Variants in PCDHA6 observed in about 807,000 individuals in gnomAD.
PCDHA6 encodes the protein protocadherin alpha 6.
PCDHA6 carries 55 observed loss-of-function variants against 60.3 expected under a neutral mutation model. The ratio of observed to expected loss-of-function variants is 0.91; its 90% CI spans 0.73 to 1.14. PCDHA6 has a LOEUF of 1.14. Among genes scored for constraint, PCDHA6 ranks in the 50% most tolerant of loss-of-function variants. PCDHA6 has a pLI of 0.00. For synonymous variants in PCDHA6, 652 were observed against 557.9 expected, an observed-to-expected ratio of 1.17 and a Z score of -2.38; for missense variants, 1,327 against 1,256.5, an observed-to-expected ratio of 1.06 and a Z score of -0.85.
At chr5:140,935,253 A>G (rs1469038997) in intron 1 of PCDHA6, among the ~76,000 whole-genome samples, 1 of 152,226 alleles carries the variant, frequency 6.6e-6, no homozygotes, top group Non-Finnish European at 1.5e-5. Flanking sequence ...GATAAAATAC[A>G]TCACATGTTT....
chr5:140,830,448 C>A lies in PCDHA6; in HGVS notation c.2357C>A (p.Ala786Glu). The A allele has an allele frequency of 1.2e-6, 2 of 1,600,594 alleles. No homozygotes were observed. Among genetic ancestry groups the A allele is most frequent in the Non-Finnish European group, 1.7e-6 (2 of 1,171,836 alleles). Residue 786 changes from alanine to glutamate, a missense_variant, in exon 1 of 4, where the codon GCG (alanine) becomes GAG (glutamate). By Grantham distance (107) the Ala-to-Glu change is moderately radical (BLOSUM62 -1). Transcript: ENST00000529310. ...CCTTGTCCTATTATGATGGGTAAGG[C>A]GGAGAATCAGGATTTAAATGAAGAT... Reference protein sequence around the residue: ...LSPCPIMMGKAENQDLNEDHD... With the variant: ...LSPCPIMMGKEENQDLNEDHD...
Position 140,828,728 on chromosome 5 carries a change from A to G in PCDHA6, c.637A>G (p.Thr213Ala). The stretch of plus-strand genomic sequence containing the variant: ...AGCTCCTGCACACAACTTATTCCTG[A>G]CAGCCACAGATGGGGGCAAACCTGA... ...EEAPAHNLFL[T>A]ATDGGKPELT... Residue 213 changes from threonine (T) to alanine (A), a missense_variant, in exon 1 of 4, where the codon ACA becomes GCA. Coordinates refer to ENST00000529310, the MANE Select transcript of PCDHA6 (RefSeq NM_018909.4). 2 of 1,614,238 alleles carry G rather than the reference A, an allele frequency of 1.2e-6. No individual in the cohort carries two copies. Among genetic ancestry groups the G allele is most frequent in the East Asian group, 2.2e-5 (1 of 44,890 alleles).
intron 1 of PCDHA6, chr5:140,857,282 C>T: frequency 6.3e-7 from 1 of 1,598,744 alleles, no homozygotes; most frequent in Non-Finnish European, 8.6e-7. Flanking sequence ...GGACAGCGCT[C>T]TGGACCGCGA....
At chr5:140,997,099 A>G (rs1554255700) in intron 3 of PCDHA6, among the ~76,000 whole-genome samples, 6 of 152,108 alleles carry the variant, frequency 3.9e-5, no homozygotes. Context: ...CAGAGTTCTC[A>G]TGCACTCCTG....
intron 1 of PCDHA6, chr5:140,928,661 G>A (rs1554206119): frequency 6.2e-7 from 1 of 1,614,218 alleles, no homozygotes; most frequent in Non-Finnish European, 8.5e-7. Flanking sequence ...GATGCTGACA[G>A]TGGTTCTAAT....
intron 1 of PCDHA6, 80 bp downstream of exon 1, chr5:140,830,565 C>A: frequency 1.0e-6 from 1 of 976,906 alleles, no homozygotes; most frequent in South Asian, 3.1e-5. Context: ...TTCTATATTT[C>A]TGTTTTTAAT....
chr5:140,975,996 C>T (rs923472287), intron 1 of PCDHA6, among the ~76,000 whole-genome samples: 1 of 152,064 alleles, frequency 6.6e-6, no homozygotes, highest in African/African-American at 2.4e-5. Flanking sequence ...GAGGTACCAT[C>T]TAAGTATTAA....
intron 1 of PCDHA6, among the ~76,000 whole-genome samples, chr5:140,952,816 C>T (rs2094802630): frequency 6.6e-6 from 1 of 152,134 alleles, no homozygotes; most frequent in South Asian, 2.1e-4. Context: ...GCAGGCTGTA[C>T]AGGAAGCATG....
intron 1 of PCDHA6, chr5:140,847,378 T>C (rs2150399722): frequency 6.7e-6 from 1 of 149,708 alleles, no homozygotes; most frequent in East Asian, 1.9e-4. Context: ...AAAAGATAAA[T>C]ATGCAAAAAC....
intron 1 of PCDHA6, among the ~76,000 whole-genome samples, chr5:140,931,876 T>G (rs533517349): frequency 1.3e-5 from 2 of 152,112 alleles, no homozygotes; most frequent in South Asian, 4.1e-4. Context: ...AAATATTTAT[T>G]GCTTTCATTT....
intron 1 of PCDHA6, among the ~76,000 whole-genome samples, chr5:140,975,935 C>T (rs1351802479): frequency 6.6e-6 from 1 of 152,060 alleles, no homozygotes; most frequent in East Asian, 1.9e-4. Flanking sequence ...ACCTTTGAAG[C>T]AATAGGACAT....
At chr5:140,996,987 A>G (rs1554255592) in intron 3 of PCDHA6, among the ~76,000 whole-genome samples, 1 of 152,134 alleles carries the variant, frequency 6.6e-6, no homozygotes, top group African/African-American at 2.4e-5. Context: ...TGAAGCAACC[A>G]CTGTTAACAA....
At chr5:141,007,777 T>G (rs1467527710) in intron 3 of PCDHA6, among the ~76,000 whole-genome samples, 2 of 152,226 alleles carry the variant, frequency 1.3e-5, no homozygotes, top group Non-Finnish European at 2.9e-5. Flanking sequence ...GAAATGGTAC[T>G]GCTTTACAAA....
intron 1 of PCDHA6, chr5:140,870,821 G>A (rs782742871): frequency 6.2e-7 from 1 of 1,613,736 alleles, no homozygotes; most frequent in South Asian, 1.1e-5. Flanking sequence ...GGCAGCGCGG[G>A]AGGCGCAGTT....
At position 141,011,939 on chromosome 5, in the gene PCDHA6, A is replaced by T. The variant is rs955936849; in HGVS notation, c.*2002A>T. 5 of 153,690 alleles carry T rather than the reference A, an allele frequency of 3.3e-5. No individual in the cohort carries two copies. The highest frequency in any genetic ancestry group is 1.2e-4 in the African/African-American group (5 of 41,448). The allele number at this position is 153,690 out of a possible 1,614,324, so 9.5% of individuals were successfully genotyped here. A position where few individuals can be genotyped will look rare whatever the true frequency, so the allele number is the denominator to read the frequency against. On this transcript the variant is annotated 3_prime_UTR_variant, in exon 4 of 4. Coordinates refer to ENST00000529310, the MANE Select transcript of PCDHA6 (RefSeq NM_018909.4). ...TAAAAGAGGTAGGAGTCTGTTATTT[A>T]AAAAAAGCATTAAATTTAAAAAAAA...
intron 3 of PCDHA6, among the ~76,000 whole-genome samples, chr5:140,994,608 G>C (rs1231327885): frequency 1.3e-5 from 2 of 152,098 alleles, no homozygotes; most frequent in Admixed American, 1.3e-4. Context: ...GGGAGGCTGA[G>C]GCACGAGAGT....
chr5:140,828,396 G>A lies in PCDHA6; in HGVS notation c.305G>A (p.Cys102Tyr). 1 of 1,614,278 alleles carries A rather than the reference G, an allele frequency of 6.2e-7. No individual in the cohort carries two copies. The highest frequency in any genetic ancestry group is 8.5e-7 in the Non-Finnish European group (1 of 1,180,048). The change falls in exon 1 of 4, where the codon TGC (cysteine) becomes TAC (tyrosine). Residue 102 changes from cysteine (C) to tyrosine (Y), a missense_variant. Cys to Tyr is a radical substitution (Grantham distance 194). Coordinates refer to ENST00000529310, the MANE Select transcript of PCDHA6 (RefSeq NM_018909.4). The part of the protein sequence containing the change: ...REELCGRSAE[C>Y]SIHLEVIVDR... ...GAGCTGTGCGGGCGGAGCGCGGAGT[G>A]CAGCATCCACCTGGAGGTGATCGTG...
rs1475862780 is a variant in PCDHA6 at position 140,982,724 on chromosome 5, G to T, written c.2542+161G>T. On this transcript the variant is annotated intron_variant, in intron 3 of 3. Transcript: ENST00000529310. Reference sequence around the variant, plus strand: ...ATTTCCTTACATATATGATTATTTTGATTTTATACCTAATGCTCTTCAGGA... The same window carrying T: ...ATTTCCTTACATATATGATTATTTTTATTTTATACCTAATGCTCTTCAGGA... 5.5e-6 allele frequency: 5 copies of T among 906,286 alleles called. No homozygotes were observed. The African/African-American group carries it at 9.0e-5, about 16-fold the overall frequency. The allele number at this position is 906,286 out of a possible 1,614,324, so 56.1% of individuals were successfully genotyped here.
At chr5:140,947,341 A>C (rs1159995588) in intron 1 of PCDHA6, among the ~76,000 whole-genome samples, 1 of 151,806 alleles carries the variant, frequency 6.6e-6, no homozygotes, top group East Asian at 1.9e-4. Context: ...TGTGGGCTTA[A>C]TTCTGGACTC....
Sources: allele counts gnomAD v4.1 joint callset (sites outside exome capture counted in the v4.1 genomes callset), GRCh38; gene constraint gnomAD v4.1.1; transcripts MANE v1.5; gene names NCBI Gene and HGNC (gene_info 2026-07-23, HGNC 2026-07-21).